The following CNTN1 variants were observed in gnomAD, a reference collection of about 807,000 sequenced individuals.
CNTN1 encodes contactin 1.
Under a neutral mutation model 126.4 loss-of-function variants are expected in CNTN1, and 38 were observed. The observed-to-expected ratio is 0.30, with a 90% CI of 0.23 to 0.39. The LOEUF is 0.39. Ranked by LOEUF, CNTN1 falls within the 10% of genes least tolerant of loss-of-function variation. The pLI, the probability that CNTN1 is intolerant of heterozygous loss-of-function variation, is 1.00. For synonymous variants in CNTN1, 413 were observed against 422.6 expected, an observed-to-expected ratio of 0.98 and a Z score of 0.28; for missense variants, 1,009 against 1,248.4, an observed-to-expected ratio of 0.81 and a Z score of 2.89.
intron 1 of CNTN1, among the ~76,000 whole-genome samples, chr12:40,711,328 G>T (rs577807969): frequency 1.3e-5 from 2 of 152,058 alleles, no homozygotes; most frequent in Middle Eastern, 3.4e-3. Context: ...CAGAATTACT[G>T]GTCTGTAGTT....
At chr12:40,714,877 A>G (rs1194787571) in intron 1 of CNTN1, among the ~76,000 whole-genome samples, 3 of 152,070 alleles carry the variant, frequency 2.0e-5, no homozygotes, top group African/African-American at 7.2e-5. Context: ...AATAGACTGA[A>G]AGTCTTTTGT....
intron 1 of CNTN1, among the ~76,000 whole-genome samples, chr12:40,695,390 G>A (rs2121080888): frequency 6.6e-6 from 1 of 152,344 alleles, no homozygotes; most frequent in East Asian, 1.9e-4. Flanking sequence ...CGGTTCTACA[G>A]TAGGGATTAT....
chr12:40,906,196 A>G (rs903677464), intron 1 of CNTN1, among the ~76,000 whole-genome samples: 24 of 152,114 alleles, frequency 1.6e-4, no homozygotes, highest in Non-Finnish European at 2.6e-4. Context: ...GCGTGAACCC[A>G]GGAGGTGGAG....
At chr12:40,731,872 G>A (rs1427340994) in intron 1 of CNTN1, among the ~76,000 whole-genome samples, 2 of 151,826 alleles carry the variant, frequency 1.3e-5, no homozygotes, top group Non-Finnish European at 2.9e-5. Context: ...GCTCTTTTGG[G>A]TGATTTAAAC....
intron 1 of CNTN1, among the ~76,000 whole-genome samples, chr12:40,703,455 G>C (rs1020845529): frequency 6.6e-6 from 1 of 152,134 alleles, no homozygotes; most frequent in African/African-American, 2.4e-5. Flanking sequence ...TAGTAGATAC[G>C]TAATTTTGGA....
intron 1 of CNTN1, among the ~76,000 whole-genome samples, chr12:40,796,159 G>C (rs533678618): frequency 6.6e-6 from 1 of 152,136 alleles, no homozygotes; most frequent in East Asian, 1.9e-4. Context: ...TTGTAGAAAA[G>C]GGTTTCTAAG....
chr12:40,999,025 T>A (rs1948288692), intron 17 of CNTN1, among the ~76,000 whole-genome samples: 1 of 152,118 alleles, frequency 6.6e-6, no homozygotes, highest in Non-Finnish European at 1.5e-5. Context: ...CATTCTTAAA[T>A]AAAACATCAA....
At chr12:40,976,900 A>C (rs907596996) in intron 15 of CNTN1, among the ~76,000 whole-genome samples, 1 of 152,176 alleles carries the variant, frequency 6.6e-6, no homozygotes, top group Admixed American at 6.5e-5. Context: ...CCTCACCTAC[A>C]TCAAAATTAC....
chr12:40,701,277 G>C (rs1941588117), intron 1 of CNTN1, among the ~76,000 whole-genome samples: 1 of 152,146 alleles, frequency 6.6e-6, no homozygotes. Flanking sequence ...TCCCAAGCAT[G>C]AATTGGACCA....
At chr12:40,731,913 A>G (rs1942509625) in intron 1 of CNTN1, among the ~76,000 whole-genome samples, 1 of 152,036 alleles carries the variant, frequency 6.6e-6, no homozygotes, top group Non-Finnish European at 1.5e-5. Context: ...CAGGAACAAA[A>G]TAAGCACATA....
At chr12:41,002,170 G>A (rs1948376158) in intron 17 of CNTN1, among the ~76,000 whole-genome samples, 1 of 152,092 alleles carries the variant, frequency 6.6e-6, no homozygotes, top group Non-Finnish European at 1.5e-5. Context: ...CTAGTTCTGT[G>A]AAGAATCTCA....
intron 14 of CNTN1, among the ~76,000 whole-genome samples, chr12:40,947,410 C>A (rs568729292): frequency 1.3e-5 from 2 of 152,098 alleles, no homozygotes; most frequent in Non-Finnish European, 2.9e-5. Flanking sequence ...ATAAATGTTT[C>A]AAGTCCAATT....
chr12:40,908,513 TA>T lies in CNTN1; in HGVS notation c.61+21del. The T allele has an allele frequency of 1.3e-6, 2 of 1,484,610 alleles. No homozygotes were observed. Among genetic ancestry groups the T allele is most frequent in the Non-Finnish European group, 1.9e-6 (2 of 1,065,638 alleles). 92.0% of individuals were successfully genotyped at this position (1,484,610 alleles called of 1,614,324 possible). On this transcript the variant is annotated intron_variant, in intron 2 of 23. Coordinates refer to ENST00000551295, the MANE Select transcript of CNTN1 (RefSeq NM_001843.4). ...TAGCAGGTAAGAAATATCCTTTGTA[TA>T]TTCTACATATATTATGTCAACATAA...
At chr12:41,005,370 T>C (rs1053230282) in intron 17 of CNTN1, among the ~76,000 whole-genome samples, 5 of 152,194 alleles carry the variant, frequency 3.3e-5, no homozygotes, top group African/African-American at 7.2e-5. Context: ...CATTTTTTCT[T>C]TCATTTCAAT....
At chr12:40,939,620 T>A in intron 12 of CNTN1, 135 bp downstream of exon 12, 1 of 897,650 alleles carries the variant, frequency 1.1e-6, no homozygotes, top group Non-Finnish European at 1.8e-6. Context: ...CCTGTAGTTC[T>A]AAGATGGACA....
chr12:41,028,532 G>A (rs1949081159), intron 22 of CNTN1, among the ~76,000 whole-genome samples: 1 of 152,130 alleles, frequency 6.6e-6, no homozygotes, highest in Non-Finnish European at 1.5e-5. Flanking sequence ...AACTATTTTT[G>A]TTTGGCAATG....
At chr12:40,924,478 C>A in intron 5 of CNTN1, 79 bp from the exon 6 acceptor site, 1 of 805,684 alleles carries the variant, frequency 1.2e-6, no homozygotes, top group Non-Finnish European at 2.1e-6. Flanking sequence ...GAGTTATTTG[C>A]TGAAAGGTAA....
intron 23 of CNTN1, among the ~76,000 whole-genome samples, chr12:41,059,056 T>C (rs999702817): frequency 2.0e-5 from 3 of 152,102 alleles, no homozygotes; most frequent in South Asian, 2.1e-4. Flanking sequence ...CACTGAATTG[T>C]GAAATAAGGT....
intron 1 of CNTN1, among the ~76,000 whole-genome samples, chr12:40,762,261 T>C (rs1451354189): frequency 1.3e-5 from 2 of 152,206 alleles, no homozygotes; most frequent in African/African-American, 4.8e-5. Flanking sequence ...AGAAATAGCC[T>C]TAAACTACCA....
Sources: allele counts gnomAD v4.1 joint callset (sites outside exome capture counted in the v4.1 genomes callset), GRCh38; gene constraint gnomAD v4.1.1; transcripts MANE v1.5; gene names NCBI Gene and HGNC (gene_info 2026-07-23, HGNC 2026-07-21).